PPP1R9A: variants seen among roughly 807,000 people sequenced by gnomAD.
The protein encoded by PPP1R9A is neurabin-1.
PPP1R9A carries 59 observed loss-of-function variants against 141.9 expected under a neutral mutation model. That is an observed-to-expected ratio of 0.42 (90% CI 0.34 to 0.52). PPP1R9A has a LOEUF of 0.52. Ranked by LOEUF, PPP1R9A falls within the 20% of genes least tolerant of loss-of-function variation. The pLI, the probability that PPP1R9A is intolerant of heterozygous loss-of-function variation, is 0.10. For synonymous variants in PPP1R9A, 500 were observed against 569.7 expected, an observed-to-expected ratio of 0.88 and a Z score of 1.74; for missense variants, 1,444 against 1,611.9, an observed-to-expected ratio of 0.90 and a Z score of 1.78.
At chr7:95,144,116 G>A (rs1381031504) in intron 4 of PPP1R9A, among the ~76,000 whole-genome samples, 1 of 151,888 alleles carries the variant, frequency 6.6e-6, no homozygotes, top group East Asian at 1.9e-4. Context: ...TCTTATAACA[G>A]AAAGTTTCTA....
intron 4 of PPP1R9A, among the ~76,000 whole-genome samples, chr7:95,136,283 C>T (rs1055193977): frequency 6.6e-6 from 1 of 152,078 alleles, no homozygotes; most frequent in African/African-American, 2.4e-5. Flanking sequence ...TTTTATAAAG[C>T]AATACAACTA....
At chr7:95,079,898 G>A (rs557145623) in intron 2 of PPP1R9A, among the ~76,000 whole-genome samples, 1 of 152,276 alleles carries the variant, frequency 6.6e-6, no homozygotes, top group South Asian at 2.1e-4. Flanking sequence ...AACGCTTCAT[G>A]CTAAAAACTC....
At chr7:95,087,541 A>T (rs573916623) in intron 2 of PPP1R9A, among the ~76,000 whole-genome samples, 1 of 152,030 alleles carries the variant, frequency 6.6e-6, no homozygotes, top group African/African-American at 2.4e-5. Context: ...TGAAATATTG[A>T]TAGTAAAAGG....
intron 12 of PPP1R9A, among the ~76,000 whole-genome samples, chr7:95,263,055 A>G (rs1321843280): frequency 1.3e-5 from 2 of 152,176 alleles, no homozygotes; most frequent in African/African-American, 4.8e-5. Context: ...CCACAGATGT[A>G]ATGAAAGAGC....
At chr7:94,937,775 A>G (rs796091161) in intron 2 of PPP1R9A, among the ~76,000 whole-genome samples, 3 of 152,304 alleles carry the variant, frequency 2.0e-5, no homozygotes, top group African/African-American at 4.8e-5. Context: ...GTGGTATTCT[A>G]TAGCCATTTA....
In PPP1R9A at chr7:95,233,733, AACT is replaced by A. The variant is rs201267404; in HGVS notation, c.2112+7620_2112+7622del. ...GGGAAGGGACATAACAAAAAAAGAA[AACT>A]ACAGACCAACATCCCTGATGAACAT... On this transcript the variant is annotated intron_variant, in intron 8 of 19. Coordinates refer to ENST00000433360, the MANE Select transcript of PPP1R9A (RefSeq NM_001166160.2). 7.9e-5 allele frequency among the ~76,000 whole-genome samples: 12 copies of A among 152,220 alleles called. No homozygotes were observed. The East Asian group carries it at 1.5e-3, about 20-fold the overall frequency.
At chr7:95,206,274 A>G (rs1298172277) in intron 7 of PPP1R9A, among the ~76,000 whole-genome samples, 1 of 152,198 alleles carries the variant, frequency 6.6e-6, no homozygotes, top group Non-Finnish European at 1.5e-5. Flanking sequence ...CTGCTTTATC[A>G]TGGAGTTTTG....
intron 6 of PPP1R9A, among the ~76,000 whole-genome samples, chr7:95,200,755 A>G (rs1198230644): frequency 6.6e-6 from 1 of 152,238 alleles, no homozygotes; most frequent in Non-Finnish European, 1.5e-5. Flanking sequence ...TTCAGGGGCA[A>G]GGAAATTAAG....
At position 94,911,498 on chromosome 7, in the gene PPP1R9A, C is replaced by G. The variant is rs139281489; in HGVS notation, c.1385C>G (p.Ala462Gly). Residue 462 changes from alanine (A) to glycine (G), a missense_variant, in exon 2 of 20, where the codon GCT (alanine) becomes GGT (glycine). By Grantham distance (60) the Ala-to-Gly change is moderately conservative. Transcript: ENST00000433360. Reference protein sequence around the residue: ...PANRKIKFSSAPIKVFNTYSN... With the variant: ...PANRKIKFSSGPIKVFNTYSN... ...AATAGGAAAATTAAGTTTAGTAGTG[C>G]TCCTATTAAGGTAAGTGTGTTTTCT... The G allele has an allele frequency of 6.2e-7, 1 of 1,605,504 alleles. No individual in the cohort carries two copies. Among genetic ancestry groups the G allele is most frequent in the Non-Finnish European group, 8.5e-7 (1 of 1,173,624 alleles).
At chr7:95,115,514 A>T (rs984497475) in intron 3 of PPP1R9A, among the ~76,000 whole-genome samples, 2 of 152,206 alleles carry the variant, frequency 1.3e-5, no homozygotes, top group African/African-American at 4.8e-5. Context: ...ATACCATATA[A>T]GTTTATACCC....
chr7:95,114,753 G>A (rs542138830), intron 3 of PPP1R9A, among the ~76,000 whole-genome samples: 143 of 151,920 alleles, frequency 9.4e-4, no homozygotes, highest in Middle Eastern at 3.4e-3. Flanking sequence ...TTATCCTTTG[G>A]AAAAATGTTA....
chr7:95,160,542 A>T (rs61543037), intron 4 of PPP1R9A, among the ~76,000 whole-genome samples: 7,704 of 150,442 alleles, frequency 0.051, 503 homozygotes, highest in East Asian at 0.36. Context: ...TGTATTTTTG[A>T]TTCAGGGGGT....
intron 4 of PPP1R9A, 102 bp downstream of exon 4, chr7:95,120,934 A>G: frequency 1.4e-6 from 2 of 1,428,154 alleles, no homozygotes; most frequent in East Asian, 2.3e-5. Context: ...ATTTTTTAGG[A>G]TAGAATTTCA....
chr7:95,006,327 C>T (rs1011571172), intron 2 of PPP1R9A, among the ~76,000 whole-genome samples: 2 of 152,018 alleles, frequency 1.3e-5, no homozygotes, highest in Non-Finnish European at 2.9e-5. Flanking sequence ...AAGTGATTCT[C>T]CTGCTTCAGC....
chr7:95,190,846 G>A (rs1180288318), intron 5 of PPP1R9A, among the ~76,000 whole-genome samples: 1 of 152,198 alleles, frequency 6.6e-6, no homozygotes, highest in Non-Finnish European at 1.5e-5. Flanking sequence ...CCAAGTGGGA[G>A]CTGCATGTCA....
intron 12 of PPP1R9A, among the ~76,000 whole-genome samples, chr7:95,252,570 C>T (rs574413384): frequency 8.0e-5 from 12 of 149,120 alleles, no homozygotes; most frequent in African/African-American, 3.0e-4. Context: ...CAGGTTCAAG[C>T]GATTCTCATG....
intron 4 of PPP1R9A, among the ~76,000 whole-genome samples, chr7:95,149,022 A>G (rs972317003): frequency 1.3e-5 from 2 of 152,146 alleles, no homozygotes; most frequent in African/African-American, 4.8e-5. Flanking sequence ...AATCGAGTCC[A>G]ACAACATATA....
chr7:95,237,522 A>G (rs758546714), intron 8 of PPP1R9A, among the ~76,000 whole-genome samples: 2 of 152,010 alleles, frequency 1.3e-5, no homozygotes, highest in Non-Finnish European at 2.9e-5. Flanking sequence ...AAATAAGATT[A>G]ATAATACAAA....
intron 16 of PPP1R9A, among the ~76,000 whole-genome samples, chr7:95,279,997 C>G (rs1355843224): frequency 1.3e-5 from 2 of 152,096 alleles, no homozygotes; most frequent in Non-Finnish European, 1.5e-5. Flanking sequence ...ACTACAGTGA[C>G]CATCTCAGAT....
Sources: gnomAD v4.1 joint callset for allele counts (sites outside exome capture counted in the v4.1 genomes callset) on GRCh38, gnomAD v4.1.1 for gene constraint, MANE v1.5 for transcripts, NCBI Gene and HGNC (gene_info 2026-07-23, HGNC 2026-07-21) for gene names.